Variants in ACTR6 observed in about 807,000 individuals in gnomAD.
The protein encoded by ACTR6 is actin-related protein 6.
Under a neutral mutation model 52.5 loss-of-function variants are expected in ACTR6, and 50 were observed. The observed-to-expected ratio is 0.95, with a 90% confidence interval of 0.76 to 1.20. The LOEUF is 1.20. ACTR6 is among the 50% of genes most tolerant of loss of function. The pLI is 0.00. For missense variants in ACTR6, 344 were observed against 472.4 expected (o/e 0.73, Z 2.52); for synonymous variants, 135 against 147.2 (o/e 0.92, Z 0.60).
intron 9 of ACTR6, among the ~76,000 whole-genome samples, chr12:100,219,562 G>C (rs142393863): frequency 6.6e-6 from 1 of 152,168 alleles, no homozygotes; most frequent in Admixed American, 6.5e-5. Flanking sequence ...ATAATGTGGA[G>C]ATTTGGGCTT....
intron 1 of ACTR6, among the ~76,000 whole-genome samples, chr12:100,203,198 G>A (rs184421641): frequency 2.5e-3 from 384 of 152,248 alleles, no homozygotes; most frequent in Non-Finnish European, 4.4e-3. Context: ...ATGAAGGCTT[G>A]GTTCCCAACA....
intron 8 of ACTR6, among the ~76,000 whole-genome samples, chr12:100,213,186 A>G (rs1279152170): frequency 6.6e-6 from 1 of 151,950 alleles, no homozygotes; most frequent in African/African-American, 2.4e-5. Context: ...TTTACCTCCC[A>G]GGCCCAAGTG....
intron 10 of ACTR6, among the ~76,000 whole-genome samples, chr12:100,220,978 C>G (rs1455329997): frequency 6.7e-6 from 1 of 149,590 alleles, no homozygotes; most frequent in African/African-American, 2.5e-5. Context: ...CAAAGCAAGA[C>G]TCTGTCTCAA....
At chr12:100,203,644 T>G (rs2153899861) in intron 1 of ACTR6, 1 of 140,268 alleles carries the variant, frequency 7.1e-6, no homozygotes, top group East Asian at 2.1e-4. Flanking sequence ...AACTTGTGAA[T>G]CTTTTTTTTT....
chr12:100,215,245 G>A (rs1166344849), intron 8 of ACTR6, among the ~76,000 whole-genome samples: 1 of 150,678 alleles, frequency 6.6e-6, no homozygotes, highest in African/African-American at 2.4e-5. Context: ...TCTTCCAGAT[G>A]ATTGGATAGT....
chr12:100,201,857 A>G (rs1267485760), intron 1 of ACTR6, among the ~76,000 whole-genome samples: 1 of 151,986 alleles, frequency 6.6e-6, no homozygotes, highest in Admixed American at 6.6e-5. Flanking sequence ...CCCTGGCCTC[A>G]AGCAGTCTAC....
intron 8 of ACTR6, among the ~76,000 whole-genome samples, chr12:100,215,723 CTG>C (rs1413057074): frequency 6.6e-6 from 1 of 152,086 alleles, no homozygotes; most frequent in Admixed American, 6.5e-5. Context: ...TATTCAGAGT[CTG>C]TGTTAAATCA....
chr12:100,209,064 A>G (rs1592837431), intron 4 of ACTR6, among the ~76,000 whole-genome samples: 1 of 152,244 alleles, frequency 6.6e-6, no homozygotes, highest in East Asian at 1.9e-4. Flanking sequence ...TATTGTTTGA[A>G]ATAATGTTAG....
chr12:100,207,610 G>A, intron 3 of ACTR6, 53 bp from the exon 4 acceptor site: 2 of 1,349,056 alleles, frequency 1.5e-6, no homozygotes, highest in South Asian at 3.0e-5. Flanking sequence ...TGTAAAACAA[G>A]TGTTAATTAT....
chr12:100,222,326 C>T (rs1458794780), intron 10 of ACTR6, among the ~76,000 whole-genome samples: 3 of 147,296 alleles, frequency 2.0e-5, no homozygotes, highest in East Asian at 2.0e-4. Context: ...GGTATGATCA[C>T]GGCTCACTGC....
At chr12:100,213,100 G>GT (rs958572763) in intron 8 of ACTR6, among the ~76,000 whole-genome samples, 46 of 151,018 alleles carry the variant, frequency 3.0e-4, no homozygotes, top group Non-Finnish European at 4.6e-4. Context: ...TGTTTTTTTG[G>GT]TTTTTTTTGA....
chr12:100,223,854 TA>T lies in ACTR6; in HGVS notation c.1132del (p.Thr378GlnfsTer24). On this transcript the variant is annotated frameshift_variant, in exon 11 of 11. Coordinates refer to ENST00000188312, the MANE Select transcript of ACTR6 (RefSeq NM_022496.5). LOFTEE classifies it high-confidence loss of function. Reference protein sequence around the residue: ...SENDDFEDMVVTREDYEENGH... With the variant: ...SENDDFEDMVXTREDYEENGH... Reference sequence around the variant, plus strand: ...AATGATGATTTTGAAGATATGGTGGTAACAAGAGAAGATTACGAAGAAAATG... The same window carrying T: ...AATGATGATTTTGAAGATATGGTGGTACAAGAGAAGATTACGAAGAAAATG... The T allele has an allele frequency of 6.2e-7, 1 of 1,611,940 alleles. No individual in the cohort carries two copies. Among genetic ancestry groups the T allele is most frequent in the Non-Finnish European group, 8.5e-7 (1 of 1,179,316 alleles).
intron 10 of ACTR6, among the ~76,000 whole-genome samples, chr12:100,222,069 C>A (rs1469600542): frequency 6.6e-6 from 1 of 151,984 alleles, no homozygotes; most frequent in Non-Finnish European, 1.5e-5. Flanking sequence ...ATTCTCCTGC[C>A]TCAGCCTCCC....
chr12:100,211,256 T>C (rs897232132), intron 6 of ACTR6, among the ~76,000 whole-genome samples: 3 of 152,170 alleles, frequency 2.0e-5, no homozygotes, highest in African/African-American at 7.2e-5. Flanking sequence ...ATTCTAGTTA[T>C]CCTGATCTGA....
Position 100,210,126 on chromosome 12 carries a change from T to A in ACTR6, c.433T>A (p.Cys145Ser), listed in dbSNP as rs761292351. ...CCGAGATAATCCTTCCGAATTATGCTGTATCATTGTTGATAGTGGATATTC... is the reference window on the plus strand; with the variant it reads ...CCGAGATAATCCTTCCGAATTATGCAGTATCATTGTTGATAGTGGATATTC... Reference protein sequence around the residue: ...YFRDNPSELCCIIVDSGYSFT... With the variant: ...YFRDNPSELCSIIVDSGYSFT... The change falls in exon 5 of 11, where the codon TGT becomes AGT. Residue 145 changes from cysteine (C) to serine (S), a missense_variant. By Grantham distance (112) the Cys-to-Ser change is moderately radical. Coordinates refer to ENST00000188312, the MANE Select transcript of ACTR6 (RefSeq NM_022496.5). The A allele has an allele frequency of 1.2e-6, 2 of 1,611,058 alleles. No individual in the cohort carries two copies. The highest frequency in any genetic ancestry group is 3.3e-5 in the Admixed American group (2 of 59,754).
Position 100,224,346 on chromosome 12 carries a change from A to T in ACTR6, c.*431A>T, listed in dbSNP as rs1037813520. On this transcript the variant is annotated 3_prime_UTR_variant, in exon 11 of 11. Transcript: ENST00000188312. Reference sequence around the variant, plus strand: ...CTAAAGTTGGAAAGACTGATCTTATATGTGTATAATGTTTATTTTGTACCT... The same window carrying T: ...CTAAAGTTGGAAAGACTGATCTTATTTGTGTATAATGTTTATTTTGTACCT... 1.4e-4 allele frequency: 21 copies of T among 153,706 alleles called. No homozygotes were observed. The highest frequency in any genetic ancestry group is 7.2e-4 in the Admixed American group (11 of 15,288). The allele number at this position is 153,706 out of a possible 1,614,324, so 9.5% of individuals were successfully genotyped here. A position where few individuals can be genotyped will look rare whatever the true frequency, so the allele number is the denominator to read the frequency against.
rs1592832945 is a variant in ACTR6, at chr12:100,205,305, G to A, written c.186+248G>A. 5 of 333,304 alleles carry A rather than the reference G, an allele frequency of 1.5e-5. No homozygotes were observed. The East Asian group carries it at 2.8e-4, about 18-fold the overall frequency. The allele number at this position is 333,304 out of a possible 1,614,324, so 20.6% of individuals were successfully genotyped here. ...AATTTAAGAAAATAAGTATAGGGAG[G>A]CAACTGTATATATTGGTGTGTCTTT... On this transcript the variant is annotated intron_variant, in intron 2 of 10. Coordinates refer to ENST00000188312, the MANE Select transcript of ACTR6 (RefSeq NM_022496.5).
chr12:100,201,788 A>T (rs574710665), intron 1 of ACTR6, among the ~76,000 whole-genome samples: 53 of 152,190 alleles, frequency 3.5e-4, no homozygotes, highest in African/African-American at 1.2e-3. Flanking sequence ...CTCCCAGCGA[A>T]TTTTTTGTAT....
At position 100,218,593 on chromosome 12, in the gene ACTR6, A is replaced by T; in HGVS notation, c.922+7A>T. The T allele has an allele frequency of 6.9e-7, 1 of 1,440,116 alleles. No individual in the cohort carries two copies. Among genetic ancestry groups the T allele is most frequent in the Non-Finnish European group, 9.2e-7 (1 of 1,082,178 alleles). 89.2% of individuals were successfully genotyped at this position (1,440,116 alleles called of 1,614,324 possible). A position where few individuals can be genotyped will look rare whatever the true frequency, so the allele number is the denominator to read the frequency against. On this transcript the variant is annotated splice_region_variant and intron_variant, in intron 9 of 10. Coordinates refer to ENST00000188312, the MANE Select transcript of ACTR6 (RefSeq NM_022496.5). This position sits in a 1 kb window ranked among gnomAD's most constrained non-coding sequence, Gnocchi z 4.2. ...ATTCAAAATCTACCTGAAGGTACATAAATAGAGTAAAATACTAAAGAATTA... is the reference window on the plus strand; with the variant it reads ...ATTCAAAATCTACCTGAAGGTACATTAATAGAGTAAAATACTAAAGAATTA...
Sources: allele counts gnomAD v4.1 joint callset (sites outside exome capture counted in the v4.1 genomes callset), GRCh38; gene constraint gnomAD v4.1.1; non-coding constraint Gnocchi (gnomAD v3.1); transcripts MANE v1.5; gene names NCBI Gene and HGNC (gene_info 2026-07-23, HGNC 2026-07-21).